Variants in ZAP70 observed in about 807,000 individuals in gnomAD.
ZAP70 encodes the protein zeta chain of T cell receptor associated protein kinase 70.
Under a neutral mutation model 65.8 loss-of-function variants are expected in ZAP70, and 27 were observed. The observed-to-expected ratio is 0.41, with a 90% CI of 0.30 to 0.57. The LOEUF (loss-of-function observed/expected upper bound fraction) is 0.57. ZAP70 is among the 20% of genes least tolerant of loss of function. The pLI is 0.28. For missense variants in ZAP70, 696 were observed against 870.5 expected (o/e 0.80, Z 2.52); for synonymous variants, 363 against 360.8 (o/e 1.01, Z -0.07).
At position 97,737,790 on chromosome 2, in the gene ZAP70, T is replaced by G. The variant is rs1573289714; in HGVS notation, c.1516T>G (p.Tyr506Asp). ...RSAGKWPLKW[Y>D]APECINFRKF... is the part of the protein sequence containing the mutation. ...AGCAGGGAAGTGGCCGCTCAAGTGG[T>G]ACGCACCCGAATGCATCAACTTCCG... Residue 506 changes from tyrosine to aspartate, a missense_variant, in exon 12 of 14, where the codon TAC becomes GAC. Coordinates refer to ENST00000264972, the MANE Select transcript of ZAP70 (RefSeq NM_001079.4). This position sits in a 1 kb window ranked among gnomAD's most constrained non-coding sequence, Gnocchi z 5.0. 6.2e-7 allele frequency: 1 copy of G among 1,614,106 alleles called. No homozygotes were observed. Among genetic ancestry groups the G allele is most frequent in the Non-Finnish European group, 8.5e-7 (1 of 1,179,982 alleles).
downstream of ZAP70, among the ~76,000 whole-genome samples, chr2:97,741,739 C>A (rs1678135770): frequency 6.6e-6 from 1 of 152,264 alleles, no homozygotes; most frequent in Non-Finnish European, 1.5e-5. Context: ...CTGACACCAA[C>A]CTTGACCCCC....
the ZAP70 span, among the ~76,000 whole-genome samples, chr2:97,749,069 G>A: frequency 6.7e-6 from 1 of 150,202 alleles, no homozygotes; most frequent in Non-Finnish European, 1.5e-5. Context: ...GAGTGCAGTG[G>A]CGCAATCTCG....
In ZAP70 at chr2:97,738,168, T is replaced by C. The variant is rs933324676; in HGVS notation, c.1736+61T>C. The C allele has an allele frequency of 4.1e-6, 6 of 1,458,200 alleles. No individual in the cohort carries two copies. The African/African-American group carries it at 8.4e-5, about 20-fold the overall frequency. 90.3% of individuals were successfully genotyped at this position (1,458,200 alleles called of 1,614,324 possible). ...ACCCCTGGAAAGTCCTGGTGCCCGA[T>C]GAGTTGATGTCAATATAACTCTACC... On this transcript the variant is annotated intron_variant, in intron 13 of 13. Transcript: ENST00000264972.
chr2:97,750,538 A>G, the ZAP70 span, among the ~76,000 whole-genome samples: 1 of 152,220 alleles, frequency 6.6e-6, no homozygotes, highest in Non-Finnish European at 1.5e-5. Context: ...AGTACCATCT[A>G]AAACTCTAGA....
the ZAP70 span, among the ~76,000 whole-genome samples, chr2:97,750,201 A>G: frequency 2.0e-5 from 3 of 152,192 alleles, no homozygotes; most frequent in Non-Finnish European, 4.4e-5. Context: ...GTACACCCAA[A>G]TGGTCAACGC....
In ZAP70 at chr2:97,735,428, C is replaced by A; in HGVS notation, c.1261C>A (p.Pro421Thr). ...MLVMEMAGGGPLHKFLVGKRE... is the reference protein window; with the variant it reads ...MLVMEMAGGGTLHKFLVGKRE... Reference sequence around the variant, plus strand: ...GGTCATGGAGATGGCTGGGGGCGGGCCGCTGCACAAGTTCCTGGTCGGCAA... The same window carrying A: ...GGTCATGGAGATGGCTGGGGGCGGGACGCTGCACAAGTTCCTGGTCGGCAA... Residue 421 changes from proline (P) to threonine (T), a missense_variant, in exon 10 of 14, where the codon CCG becomes ACG. Pro to Thr is a conservative substitution (Grantham distance 38). Coordinates refer to ENST00000264972, the MANE Select transcript of ZAP70 (RefSeq NM_001079.4). 1 of 1,613,034 alleles carries A rather than the reference C, an allele frequency of 6.2e-7. No individual in the cohort carries two copies. Among genetic ancestry groups the A allele is most frequent in the Non-Finnish European group, 8.5e-7 (1 of 1,179,302 alleles).
the ZAP70 span, among the ~76,000 whole-genome samples, chr2:97,749,190 T>C: frequency 6.6e-6 from 1 of 152,026 alleles, no homozygotes; most frequent in Non-Finnish European, 1.5e-5. Flanking sequence ...TTTGTATTTT[T>C]AGTAGAGACG....
intron 2 of ZAP70, among the ~76,000 whole-genome samples, chr2:97,719,567 A>C (rs938504577): frequency 6.6e-6 from 1 of 151,328 alleles, no homozygotes; most frequent in Non-Finnish European, 1.5e-5. Flanking sequence ...GGGGGGGCGC[A>C]GACCAGGTCT....
Position 97,733,127 on chromosome 2 carries a change from G to A in ZAP70, c.705G>A (p.Leu235=). 6.2e-7 allele frequency: 1 copy of A among 1,614,008 alleles called. No homozygotes were observed. The highest frequency in any genetic ancestry group is 8.5e-7 in the Non-Finnish European group (1 of 1,180,008). The change falls in exon 6 of 14, where the codon CTG becomes CTA. Residue 235 remains leucine (L), a splice_region_variant and synonymous_variant. Coordinates refer to ENST00000264972, the MANE Select transcript of ZAP70 (RefSeq NM_001079.4). ...TGCTAGCTGCCTGCTCCCTGCAGCT[G>A]GTGGAGTATCTGAAGCTGAAGGCGG... The part of the protein sequence containing the change: ...EGTKFDTLWQ[L]VEYLKLKADG...
chr2:97,721,850 G>C (rs1485086817), intron 2 of ZAP70, among the ~76,000 whole-genome samples: 1 of 151,200 alleles, frequency 6.6e-6, no homozygotes, highest in Non-Finnish European at 1.5e-5. Context: ...GCAGTGGCGC[G>C]ATCTCAGCTC....
chr2:97,742,458 C>T (rs1678155982), downstream of ZAP70, among the ~76,000 whole-genome samples: 1 of 152,244 alleles, frequency 6.6e-6, no homozygotes, highest in South Asian at 2.1e-4. Context: ...CTTCTCAGGC[C>T]CCATCCTCTG....
At chr2:97,739,322 A>G in intron 13 of ZAP70, 53 bp from the exon 14 acceptor site, 2 of 1,607,846 alleles carry the variant, frequency 1.2e-6, no homozygotes, top group Non-Finnish European at 1.7e-6. Context: ...CCACTGGTGA[A>G]GCTGGGTCCT....
At position 97,724,200 on chromosome 2, in the gene ZAP70, G is replaced by A. The variant is rs758219921; in HGVS notation, c.164G>A (p.Arg55His). 1 of 1,599,614 alleles carries A rather than the reference G, an allele frequency of 6.3e-7. No individual in the cohort carries two copies. Among genetic ancestry groups the A allele is most frequent in the Non-Finnish European group, 8.5e-7 (1 of 1,174,730 alleles). The change falls in exon 3 of 14, where the codon CGC becomes CAC. Residue 55 changes from arginine (R) to histidine (H), a missense_variant. Arg to His is a conservative substitution (Grantham distance 29). Coordinates refer to ENST00000264972, the MANE Select transcript of ZAP70 (RefSeq NM_001079.4). ...GYVLSLVHDVRFHHFPIERQL... is the reference protein window; with the variant it reads ...GYVLSLVHDVHFHHFPIERQL... ...GTGCTGTCGCTCGTGCACGATGTGC[G>A]CTTCCACCACTTTCCCATCGAGCGC... is the stretch of plus-strand genomic sequence containing the variant.
Position 97,739,776 on chromosome 2 carries a change from C to A in ZAP70, c.*278C>A. ...GCTGAGGGCATTGCTTACACGGATG[C>A]CTTCCCCTGGGCCCTGACATTGGAG... On this transcript the variant is annotated 3_prime_UTR_variant, in exon 14 of 14. Transcript: ENST00000264972. 1 of 497,922 alleles carries A rather than the reference C, an allele frequency of 2.0e-6. No individual in the cohort carries two copies. The highest frequency in any genetic ancestry group is 2.8e-5 in the South Asian group (1 of 35,418). 30.8% of individuals were successfully genotyped at this position (497,922 alleles called of 1,614,324 possible). A position where few individuals can be genotyped will look rare whatever the true frequency, so the allele number is the denominator to read the frequency against.
At chr2:97,740,644 G>A (rs574873484), downstream of ZAP70, among the ~76,000 whole-genome samples, 94 of 152,244 alleles carry the variant, frequency 6.2e-4, no homozygotes, top group South Asian at 0.012. Flanking sequence ...GATGTCCGCT[G>A]AGGAACCAAC....
intron 4 of ZAP70, among the ~76,000 whole-genome samples, chr2:97,729,036 A>G (rs1239884574): frequency 6.6e-6 from 1 of 152,220 alleles, no homozygotes; most frequent in East Asian, 1.9e-4. Context: ...CACAGGCGTG[A>G]GCCACCGCGC....
intron 2 of ZAP70, among the ~76,000 whole-genome samples, chr2:97,721,042 C>A (rs1303893340): frequency 6.6e-6 from 1 of 152,190 alleles, no homozygotes; most frequent in East Asian, 1.9e-4. Context: ...CCTGAGTAGC[C>A]TTGCTGGGCC....
chr2:97,734,444 G>A (rs1488393364), intron 8 of ZAP70, 76 bp from the exon 9 acceptor site: 8 of 1,513,156 alleles, frequency 5.3e-6, no homozygotes, highest in African/African-American at 1.4e-5. Context: ...TGGGGCAGGT[G>A]CTTGTGGGGG....
chr2:97,723,979 G>C (rs1383698326), intron 2 of ZAP70, 37 bp from the exon 3 acceptor site: 3 of 1,533,322 alleles, frequency 2.0e-6, no homozygotes, highest in Non-Finnish European at 2.6e-6. Context: ...GGTTCAGGAA[G>C]GCCCTGACGT....
Sources: allele counts gnomAD v4.1 joint callset (sites outside exome capture counted in the v4.1 genomes callset), GRCh38; gene constraint gnomAD v4.1.1; non-coding constraint Gnocchi (gnomAD v3.1); transcripts MANE v1.5; gene names NCBI Gene and HGNC (gene_info 2026-07-23, HGNC 2026-07-21).